Variants in GLRA3 observed in about 807,000 individuals in gnomAD.
GLRA3 encodes glycine receptor subunit alpha-3.
Under a neutral mutation model 60.4 loss-of-function variants are expected in GLRA3, and 44 were observed. That is an observed-to-expected ratio of 0.73 (90% CI 0.57 to 0.94). The LOEUF is 0.94. GLRA3 is among the 40% of genes least tolerant of loss of function. GLRA3 has a pLI of 0.00. For missense variants in GLRA3, 508 were observed against 564.6 expected, an observed-to-expected ratio of 0.90 and a Z score of 1.02; for synonymous variants, 223 against 192.9, an observed-to-expected ratio of 1.16 and a Z score of -1.29.
intron 5 of GLRA3, among the ~76,000 whole-genome samples, chr4:174,685,886 G>A (rs891191060): frequency 1.6e-4 from 24 of 152,232 alleles, no homozygotes; most frequent in South Asian, 4.1e-4. Flanking sequence ...CAGATGAATG[G>A]AAAAATGACC....
rs1477741377 is a variant in GLRA3, at chr4:174,815,330, C to T, written c.71+13411G>A. On this transcript the variant is annotated intron_variant, in intron 1 of 9. Transcript: ENST00000274093. The stretch of plus-strand genomic sequence containing the variant: ...CTGGCATTGAGTGTCTCTAGCTTTT[C>T]CAGGTGCTCAGAGCAAGCTGTCAGT... Among the ~76,000 whole-genome samples, 3 of 152,158 alleles carry T rather than the reference C, an allele frequency of 2.0e-5. No individual in the cohort carries two copies. The East Asian group carries it at 5.8e-4, about 29-fold the overall frequency.
intron 5 of GLRA3, among the ~76,000 whole-genome samples, chr4:174,688,317 TC>T (rs1734628117): frequency 4.2e-5 from 3 of 71,332 alleles, no homozygotes; most frequent in African/African-American, 5.2e-5. Flanking sequence ...TTACCTGACA[TC>T]ATATATATAT....
chr4:174,715,420 T>G, intron 5 of GLRA3, 68 bp downstream of exon 5: 1 of 763,466 alleles, frequency 1.3e-6, no homozygotes, highest in Admixed American at 2.1e-5. Context: ...ATTATCCATA[T>G]TAGGCATTAA....
chr4:174,783,365 C>G (rs1428123326), intron 2 of GLRA3, among the ~76,000 whole-genome samples: 1 of 134,038 alleles, frequency 7.5e-6, no homozygotes, highest in East Asian at 2.0e-4. Context: ...CCATAAAAAC[C>G]CTAGAAGAAA....
At chr4:174,735,750 T>C (rs1039769592) in intron 3 of GLRA3, among the ~76,000 whole-genome samples, 2 of 152,040 alleles carry the variant, frequency 1.3e-5, no homozygotes, top group Admixed American at 1.3e-4. Context: ...TTAGCAGAGA[T>C]GGGGTTCCGT....
intron 3 of GLRA3, among the ~76,000 whole-genome samples, chr4:174,734,450 T>C (rs1054515588): frequency 1.3e-5 from 2 of 152,224 alleles, no homozygotes. Flanking sequence ...ATTGGGAAAG[T>C]GCCTTTCAAT....
rs184153598 is a variant in GLRA3 at position 174,648,939 on chromosome 4, C to T, written c.1117-4875G>A. 4.3e-4 allele frequency among the ~76,000 whole-genome samples: 65 copies of T among 152,262 alleles called. 1 individual carries two copies. In the East Asian group the frequency reaches 6.0e-3, roughly 14 times the overall value. On this transcript the variant is annotated intron_variant, in intron 9 of 9. Coordinates refer to ENST00000274093, the MANE Select transcript of GLRA3 (RefSeq NM_006529.4). ...GGACGGAAATCTGTTCCAATTTTGG[C>T]AGCGGACTCCACTAAGGAACCCTGT...
chr4:174,662,956 A>G (rs1733512723), intron 7 of GLRA3, among the ~76,000 whole-genome samples: 1 of 152,024 alleles, frequency 6.6e-6, no homozygotes, highest in Non-Finnish European at 1.5e-5. Context: ...ATGGACAGAT[A>G]AATGAAGGCA....
intron 2 of GLRA3, among the ~76,000 whole-genome samples, chr4:174,778,760 C>G (rs868332121): frequency 9.9e-5 from 15 of 152,212 alleles, no homozygotes; most frequent in Admixed American, 2.0e-4. Flanking sequence ...TGCGCTTTTC[C>G]GACAGGCTTA....
chr4:174,649,551 G>C (rs1732954864), intron 9 of GLRA3, among the ~76,000 whole-genome samples: 1 of 152,088 alleles, frequency 6.6e-6, no homozygotes, highest in Admixed American at 6.5e-5. Context: ...AAGATTACAG[G>C]AACTCTCAGC....
At chr4:174,732,360 T>TAAA (rs780031779) in intron 3 of GLRA3, among the ~76,000 whole-genome samples, 3 of 110,114 alleles carry the variant, frequency 2.7e-5, no homozygotes, top group Non-Finnish European at 6.0e-5. Context: ...ACTCAAAAAT[T>TAAA]AAAAAAAAAA....
chr4:174,643,188 TTCTAAACAATTAAATTTA>T lies in GLRA3; in HGVS notation c.*580_*597del. ...AATTTGCACAGAGGAAAACTTAATA[TTCTAAACAATTAAATTTA>T]GTATTCCAAATCATTAAAGTCTTTT... On this transcript the variant is annotated 3_prime_UTR_variant, in exon 10 of 10. Coordinates refer to ENST00000274093, the MANE Select transcript of GLRA3 (RefSeq NM_006529.4). The T allele has an allele frequency of 1.2e-6, 1 of 811,536 alleles. No homozygotes were observed. Among genetic ancestry groups the T allele is most frequent in the Non-Finnish European group, 1.5e-6 (1 of 672,252 alleles). 50.3% of individuals were successfully genotyped at this position (811,536 alleles called of 1,614,324 possible).
chr4:174,732,270 G>A (rs921874666), intron 3 of GLRA3, among the ~76,000 whole-genome samples: 1 of 151,606 alleles, frequency 6.6e-6, no homozygotes, highest in Non-Finnish European at 1.5e-5. Context: ...CAGGAGAGAC[G>A]CTTGAACCCA....
chr4:174,778,171 G>T (rs1738684052), intron 2 of GLRA3, among the ~76,000 whole-genome samples: 1 of 152,076 alleles, frequency 6.6e-6, no homozygotes, highest in Non-Finnish European at 1.5e-5. Flanking sequence ...AAGGCCTGTG[G>T]TCTGCGCCTG....
intron 5 of GLRA3, among the ~76,000 whole-genome samples, chr4:174,692,220 T>C (rs1734856840): frequency 6.8e-6 from 1 of 146,022 alleles, no homozygotes; most frequent in South Asian, 2.2e-4. Context: ...GGGAGGGAGG[T>C]GGGGGTCAGC....
At chr4:174,698,118 G>C (rs536511673) in intron 5 of GLRA3, among the ~76,000 whole-genome samples, 26 of 152,262 alleles carry the variant, frequency 1.7e-4, no homozygotes, top group Non-Finnish European at 3.5e-4. Flanking sequence ...ATATCTGAAA[G>C]TTGTGTAATG....
chr4:174,654,310 G>A (rs1349691668), intron 9 of GLRA3, among the ~76,000 whole-genome samples: 2 of 151,894 alleles, frequency 1.3e-5, no homozygotes, highest in African/African-American at 4.8e-5. Flanking sequence ...ATTATCCTTA[G>A]AAGCTATCAT....
chr4:174,677,306 A>G lies in GLRA3; in HGVS notation c.713-14T>C. 1 of 1,429,076 alleles carries G rather than the reference A, an allele frequency of 7.0e-7. No individual in the cohort carries two copies. The highest frequency in any genetic ancestry group is 9.9e-7 in the Non-Finnish European group (1 of 1,013,298). 88.5% of individuals were successfully genotyped at this position (1,429,076 alleles called of 1,614,324 possible). A position where few individuals can be genotyped will look rare whatever the true frequency, so the allele number is the denominator to read the frequency against. ...ACGTAAACTTTCCTAATTGGTGGTAAGGTAAATACAGCAATTAGTACAAAT... is the reference window on the plus strand; with the variant it reads ...ACGTAAACTTTCCTAATTGGTGGTAGGGTAAATACAGCAATTAGTACAAAT... On this transcript the variant is annotated splice_polypyrimidine_tract_variant and intron_variant, in intron 6 of 9. Coordinates refer to ENST00000274093, the MANE Select transcript of GLRA3 (RefSeq NM_006529.4).
chr4:174,696,288 T>C (rs573537794), intron 5 of GLRA3, among the ~76,000 whole-genome samples: 111 of 151,824 alleles, frequency 7.3e-4, no homozygotes, highest in African/African-American at 2.5e-3. Context: ...ATTTGTGCTA[T>C]ACAAGTTCTG....
Sources: gnomAD v4.1 joint callset for allele counts (sites outside exome capture counted in the v4.1 genomes callset) on GRCh38, gnomAD v4.1.1 for gene constraint, MANE v1.5 for transcripts, NCBI Gene and HGNC (gene_info 2026-07-23, HGNC 2026-07-21) for gene names.